GNPDA1: variants seen among roughly 807,000 people sequenced by gnomAD.
GNPDA1 encodes glucosamine-6-phosphate deaminase 1.
Under a neutral mutation model 28.5 loss-of-function variants are expected in GNPDA1, and 24 were observed. The observed-to-expected ratio is 0.84, with a 90% CI of 0.61 to 1.19. The LOEUF is 1.19. GNPDA1 is among the 50% of genes most tolerant of loss of function. The pLI is 0.00. For missense variants in GNPDA1, 264 were observed against 367.3 expected (o/e 0.72, Z 2.30); for synonymous variants, 147 against 139.3 (o/e 1.06, Z -0.39).
At chr5:142,012,117 A>G (rs1755974503) in intron 1 of GNPDA1, 76 bp from the exon 2 acceptor site, 1 of 1,428,440 alleles carries the variant, frequency 7.0e-7, no homozygotes, top group African/African-American at 1.4e-5. Flanking sequence ...TGGTGGGAGA[A>G]GCTTCTCTTA....
At chr5:142,008,675 C>T (rs1041918914) in intron 2 of GNPDA1, among the ~76,000 whole-genome samples, 47 of 151,574 alleles carry the variant, frequency 3.1e-4, no homozygotes, top group Non-Finnish European at 3.4e-4. Context: ...TGCAGTGGGC[C>T]GAGATTGCAC....
chr5:142,006,487 G>GGCT (rs112971960), intron 3 of GNPDA1, among the ~76,000 whole-genome samples, 161 bp from the exon 4 acceptor site: 105 of 152,288 alleles, frequency 6.9e-4, no homozygotes, highest in African/African-American at 2.5e-3. Context: ...ACTCGGCACA[G>GGCT]GCTGAGCCAG....
chr5:142,012,127 A>C (rs1755974785), intron 1 of GNPDA1, 86 bp from the exon 2 acceptor site: 2 of 1,349,188 alleles, frequency 1.5e-6, no homozygotes, highest in Non-Finnish European at 2.0e-6. Flanking sequence ...AGCTTCTCTT[A>C]CCCAGCAACA....
At chr5:142,012,166 A>G (rs1596742378) in intron 1 of GNPDA1, 125 bp from the exon 2 acceptor site, 1 of 978,888 alleles carries the variant, frequency 1.0e-6, no homozygotes, top group East Asian at 2.7e-5. Context: ...CTGAGCCAGG[A>G]AAAAGGCCTT....
chr5:142,002,863 T>C (rs13187511), intron 6 of GNPDA1, among the ~76,000 whole-genome samples: 13,968 of 152,254 alleles, frequency 0.092, 715 homozygotes, highest in African/African-American at 0.12. Flanking sequence ...TTGGACCACA[T>C]TGCGTTTTCT....
intron 6 of GNPDA1, 46 bp from the exon 7 acceptor site, chr5:142,002,175 A>G (rs1294149546): frequency 1.0e-6 from 1 of 978,514 alleles, no homozygotes; most frequent in Middle Eastern, 2.1e-4. Context: ...GGCAGTGGCA[A>G]GAGTTCCTTG....
Position 142,004,339 on chromosome 5 carries a change from G to A in GNPDA1, c.594+593C>T, listed in dbSNP as rs569354690. 2.0e-5 allele frequency among the ~76,000 whole-genome samples: 3 copies of A among 152,354 alleles called. No individual in the cohort carries two copies. In the East Asian group the frequency reaches 5.8e-4, roughly 29 times the overall value. Reference sequence around the variant, plus strand: ...GGGCAAAGAAATGTAAATCTAACATGTCTATACACGTCAGAAAGGAAGAGA... The same window carrying A: ...GGGCAAAGAAATGTAAATCTAACATATCTATACACGTCAGAAAGGAAGAGA... On this transcript the variant is annotated intron_variant, in intron 5 of 6. Transcript: ENST00000311337.
intron 1 of GNPDA1, 89 bp from the exon 2 acceptor site, chr5:142,012,130 C>A: frequency 7.6e-7 from 1 of 1,314,850 alleles, no homozygotes. Context: ...TTCTCTTACC[C>A]AGCAACAATC....
In GNPDA1 at chr5:142,002,163, CAG is replaced by C. The variant is rs752429336; in HGVS notation, c.770-36_770-35del. On this transcript the variant is annotated intron_variant, in intron 6 of 6. Transcript: ENST00000311337. ...AATTAAAAACAAAAAGTAGTTAATT[CAG>C]GCAGTGGCAAGAGTTCCTTGATTAT... 1.3e-5 allele frequency: 14 copies of C among 1,108,292 alleles called. No homozygotes were observed. The South Asian group carries it at 1.7e-4, about 13-fold the overall frequency. The allele number at this position is 1,108,292 out of a possible 1,614,324, so 68.7% of individuals were successfully genotyped here.
chr5:142,006,161 A>G lies in GNPDA1; in HGVS notation c.392T>C (p.Ile131Thr). 6.2e-7 allele frequency: 1 copy of G among 1,613,422 alleles called. No homozygotes were observed. The highest frequency in any genetic ancestry group is 8.5e-7 in the Non-Finnish European group (1 of 1,179,516). Residue 131 changes from isoleucine to threonine, a missense_variant, in exon 4 of 7, where the codon ATC becomes ACC. Coordinates refer to ENST00000311337, the MANE Select transcript of GNPDA1 (RefSeq NM_005471.5). The stretch of plus-strand genomic sequence containing the variant: ...AAGCTCACCTCCAACAAATAGCTCG[A>G]TCCCACCTGCAGCCTTGATCTTCTC... ...FEEKIKAAGG[I>T]ELFVGGIGPD...
chr5:142,012,400 T>A, intron 1 of GNPDA1: 1 of 171,056 alleles, frequency 5.8e-6, no homozygotes, highest in South Asian at 1.6e-4. Flanking sequence ...TAATATGAAA[T>A]GAGAGAATGC....
intron 3 of GNPDA1, among the ~76,000 whole-genome samples, chr5:142,007,418 GA>G (rs995092839): frequency 2.0e-5 from 3 of 152,118 alleles, no homozygotes; most frequent in Non-Finnish European, 4.4e-5. Flanking sequence ...ACACAGAAGA[GA>G]AAGCACAGAC....
intron 2 of GNPDA1, 22 bp from the exon 3 acceptor site, chr5:142,007,922 T>A (rs762537307): frequency 7.3e-7 from 1 of 1,369,046 alleles, no homozygotes; most frequent in Non-Finnish European, 1.0e-6. Context: ...GCCACACCCA[T>A]GAACACCCCT....
rs1428597399 is a variant in GNPDA1 at position 142,003,997 on chromosome 5, T to C, written c.595-735A>G. Among the ~76,000 whole-genome samples, 2 of 152,220 alleles carry C rather than the reference T, an allele frequency of 1.3e-5. No individual in the cohort carries two copies. Among genetic ancestry groups the C allele is most frequent in the Non-Finnish European group, 2.9e-5 (2 of 68,044 alleles). Reference sequence around the variant, plus strand: ...TTGTGAACAGGATTTACTGTTCCTTTCTTAAAAGATTAGAATGCAGAAGCA... The same window carrying C: ...TTGTGAACAGGATTTACTGTTCCTTCCTTAAAAGATTAGAATGCAGAAGCA... On this transcript the variant is annotated intron_variant, in intron 5 of 6. Coordinates refer to ENST00000311337, the MANE Select transcript of GNPDA1 (RefSeq NM_005471.5). The surrounding 1 kb of genome is among the most constrained non-coding windows in gnomAD (Gnocchi z 4.0).
intron 2 of GNPDA1, among the ~76,000 whole-genome samples, chr5:142,011,249 A>G (rs941606812): frequency 2.0e-5 from 3 of 148,622 alleles, no homozygotes; most frequent in African/African-American, 7.4e-5. Context: ...AAAAAAAAAA[A>G]AAGGAAAAAG....
At chr5:142,011,707 G>GA (rs1240211684) in intron 2 of GNPDA1, 20 of 497,264 alleles carry the variant, frequency 4.0e-5, no homozygotes, top group Non-Finnish European at 6.6e-5. Context: ...TCTGCTCCAG[G>GA]ATTCTGCAGG....
At chr5:142,011,347 C>T (rs1755950601) in intron 2 of GNPDA1, among the ~76,000 whole-genome samples, 1 of 151,884 alleles carries the variant, frequency 6.6e-6, no homozygotes, top group African/African-American at 2.4e-5. Context: ...GCAAACCCAT[C>T]CATCTCTGAA....
intron 5 of GNPDA1, 167 bp downstream of exon 5, chr5:142,004,764 CT>C (rs1755758445): frequency 4.1e-6 from 2 of 486,998 alleles, no homozygotes; most frequent in East Asian, 5.8e-5. Flanking sequence ...ATAATGATGT[CT>C]TCCAAAGACG....
chr5:142,010,628 C>T (rs578109697), intron 2 of GNPDA1, among the ~76,000 whole-genome samples: 56 of 151,936 alleles, frequency 3.7e-4, no homozygotes, highest in African/African-American at 1.1e-3. Flanking sequence ...CACCTCACAC[C>T]GTAGCCTCCT....
Sources: allele counts gnomAD v4.1 joint callset (sites outside exome capture counted in the v4.1 genomes callset), GRCh38; gene constraint gnomAD v4.1.1; non-coding constraint Gnocchi (gnomAD v3.1); transcripts MANE v1.5; gene names NCBI Gene and HGNC (gene_info 2026-07-23, HGNC 2026-07-21).